MAN1A2: variants seen among roughly 807,000 people sequenced by gnomAD.
MAN1A2 encodes the protein mannosidase alpha class 1A member 2, also known as mannosyl-oligosaccharide 1,2-alpha-mannosidase IB.
MAN1A2 carries 26 observed loss-of-function variants against 75.7 expected under a neutral mutation model. That is an observed-to-expected ratio of 0.34 (90% CI 0.25 to 0.48). The LOEUF (loss-of-function observed/expected upper bound fraction) is 0.48. MAN1A2 is among the 20% of genes least tolerant of loss of function. The pLI is 0.99. For missense variants in MAN1A2, 562 were observed against 775.5 expected (o/e 0.72, Z 3.27); for synonymous variants, 247 against 264.6 (o/e 0.93, Z 0.65).
chr1:117,405,376 A>G (rs1004977880), intron 2 of MAN1A2, among the ~76,000 whole-genome samples, 173 bp from the exon 3 acceptor site: 2 of 152,236 alleles, frequency 1.3e-5, no homozygotes, highest in African/African-American at 4.8e-5. Flanking sequence ...TATAGATGAG[A>G]TTAAACATAG....
chr1:117,375,175 G>T (rs909971446), intron 1 of MAN1A2, among the ~76,000 whole-genome samples: 19 of 152,090 alleles, frequency 1.2e-4, no homozygotes, highest in African/African-American at 4.6e-4. Flanking sequence ...GATAGATTCT[G>T]TGGAATACAG....
intron 5 of MAN1A2, among the ~76,000 whole-genome samples, chr1:117,425,940 T>A (rs1463796485): frequency 2.0e-5 from 3 of 152,162 alleles, no homozygotes; most frequent in African/African-American, 7.2e-5. Flanking sequence ...GGTTTCTGAT[T>A]TTTCAGGTTT....
chr1:117,375,824 A>G (rs1047656276), intron 1 of MAN1A2, among the ~76,000 whole-genome samples: 1 of 151,900 alleles, frequency 6.6e-6, no homozygotes, highest in Non-Finnish European at 1.5e-5. Flanking sequence ...CATTTAGGTC[A>G]TTGGCATTTT....
chr1:117,470,055 A>C (rs1415044985), intron 8 of MAN1A2, among the ~76,000 whole-genome samples: 1 of 152,134 alleles, frequency 6.6e-6, no homozygotes, highest in East Asian at 1.9e-4. Flanking sequence ...CAAAAGGAGA[A>C]AGTAACTCAA....
chr1:117,429,642 C>G (rs1648525304), intron 5 of MAN1A2, among the ~76,000 whole-genome samples: 1 of 111,536 alleles, frequency 9.0e-6, no homozygotes, highest in African/African-American at 3.5e-5. Flanking sequence ...TCCTCACTTC[C>G]CAGTAGGGGC....
intron 5 of MAN1A2, among the ~76,000 whole-genome samples, chr1:117,423,641 G>A (rs1331772106): frequency 1.3e-5 from 2 of 151,856 alleles, no homozygotes; most frequent in Non-Finnish European, 2.9e-5. Flanking sequence ...TTCATTGTCA[G>A]TATATATAAA....
At chr1:117,456,164 G>A (rs1326972884) in intron 6 of MAN1A2, among the ~76,000 whole-genome samples, 1 of 151,938 alleles carries the variant, frequency 6.6e-6, no homozygotes, top group Non-Finnish European at 1.5e-5. Flanking sequence ...TGTTTATCAC[G>A]GCGTATTTCA....
intron 5 of MAN1A2, among the ~76,000 whole-genome samples, chr1:117,424,613 C>T (rs546117589): frequency 1.3e-5 from 2 of 152,224 alleles, no homozygotes; most frequent in Admixed American, 1.3e-4. Context: ...TGATTTGGAC[C>T]TCTAGTCTCT....
At chr1:117,442,053 C>T (rs1031950950) in intron 5 of MAN1A2, among the ~76,000 whole-genome samples, 178 bp from the exon 6 acceptor site, 2 of 152,008 alleles carry the variant, frequency 1.3e-5, no homozygotes, top group African/African-American at 2.4e-5. Context: ...CCTTAGTATC[C>T]AGTTTGCAAA....
At chr1:117,485,209 A>C (rs1333406739) in intron 8 of MAN1A2, among the ~76,000 whole-genome samples, 2 of 151,936 alleles carry the variant, frequency 1.3e-5, no homozygotes, top group Admixed American at 1.3e-4. Flanking sequence ...TGATAGGACA[A>C]ACAATGGGAG....
intron 4 of MAN1A2, among the ~76,000 whole-genome samples, chr1:117,417,256 A>G (rs538176756): frequency 6.6e-6 from 1 of 151,842 alleles, no homozygotes; most frequent in South Asian, 2.1e-4. Flanking sequence ...TTAGCTGCTT[A>G]TTTTGCATAT....
At chr1:117,470,927 G>A (rs946518) in intron 8 of MAN1A2, among the ~76,000 whole-genome samples, 151,394 of 152,048 alleles carry the variant, frequency 1, 75,375 homozygotes, top group Non-Finnish European at 1. Context: ...AATCACAGAA[G>A]ATAATTACTG....
intron 5 of MAN1A2, among the ~76,000 whole-genome samples, chr1:117,437,548 T>C (rs1648885259): frequency 1.3e-5 from 2 of 152,006 alleles, no homozygotes; most frequent in South Asian, 4.2e-4. Context: ...GGTGTAGGAG[T>C]GTGTGTGCGT....
chr1:117,419,212 A>G (rs1412369013), intron 4 of MAN1A2, among the ~76,000 whole-genome samples: 1 of 152,100 alleles, frequency 6.6e-6, no homozygotes, highest in African/African-American at 2.4e-5. Context: ...GGGTTTGCAC[A>G]GAGTAGTGAT....
intron 12 of MAN1A2, among the ~76,000 whole-genome samples, chr1:117,521,187 A>C (rs574443382): frequency 1.3e-5 from 2 of 152,080 alleles, no homozygotes; most frequent in East Asian, 3.9e-4. Context: ...GGACTTTCAG[A>C]CCTGAAACTA....
At chr1:117,493,403 T>C (rs1650946564) in intron 9 of MAN1A2, 141 bp downstream of exon 9, 1 of 503,514 alleles carries the variant, frequency 2.0e-6, no homozygotes, top group Admixed American at 3.6e-5. Context: ...GCATTCACTG[T>C]AGAGTTTGTT....
chr1:117,408,966 G>C (rs1322092055), intron 3 of MAN1A2, among the ~76,000 whole-genome samples: 1 of 152,018 alleles, frequency 6.6e-6, no homozygotes, highest in East Asian at 1.9e-4. Context: ...TTGAATGTCT[G>C]TGGCAGCTGT....
intron 1 of MAN1A2, among the ~76,000 whole-genome samples, chr1:117,391,398 A>G (rs920953464): frequency 2.0e-5 from 3 of 152,188 alleles, no homozygotes; most frequent in South Asian, 2.1e-4. Flanking sequence ...GAAATTACCT[A>G]TAACATTGTG....
intron 8 of MAN1A2, among the ~76,000 whole-genome samples, chr1:117,469,288 A>G (rs1650068361): frequency 1.3e-5 from 2 of 152,140 alleles, no homozygotes. Context: ...CTTACTCTAT[A>G]TTATCTACAA....
Sources: gnomAD v4.1 joint callset for allele counts (sites outside exome capture counted in the v4.1 genomes callset) on GRCh38, gnomAD v4.1.1 for gene constraint, MANE v1.5 for transcripts, NCBI Gene and HGNC (gene_info 2026-07-23, HGNC 2026-07-21) for gene names.